Variants in ANO3 observed in about 807,000 individuals in gnomAD.
ANO3 encodes anoctamin 3.
ANO3 carries 99 observed loss-of-function variants against 144.8 expected under a neutral mutation model. The ratio of observed to expected loss-of-function variants is 0.68; its 90% confidence interval spans 0.58 to 0.81. The LOEUF is 0.81. Among genes scored for constraint, ANO3 ranks in the 30% least tolerant of loss-of-function variants. The pLI is 0.00. For missense variants in ANO3, 905 were observed against 1,202.2 expected (o/e 0.75, Z 3.66); for synonymous variants, 414 against 392.6 (o/e 1.05, Z -0.64).
rs183863355 is a variant in ANO3 at position 26,436,048 on chromosome 11, A to C, written c.47-5870A>C. On this transcript the variant is annotated intron_variant, in intron 1 of 26. Coordinates refer to ENST00000256737, the MANE Select transcript of ANO3 (RefSeq NM_031418.4). ...TCCTTTAACTGCTAGGCTGCCTCTG[A>C]TTGCAATGGTCATGTGGGGGCAGGG... 3.3e-5 allele frequency among the ~76,000 whole-genome samples: 5 copies of C among 152,180 alleles called. No homozygotes were observed. In the East Asian group the frequency reaches 9.7e-4, roughly 29 times the overall value.
intron 1 of ANO3, chr11:26,286,011 G>A (rs983875541): frequency 6.6e-6 from 1 of 152,178 alleles, no homozygotes; most frequent in Admixed American, 6.5e-5. Context: ...CAGATTTCAT[G>A]TGTTGCCTCC....
intron 17 of ANO3, among the ~76,000 whole-genome samples, chr11:26,604,894 G>C (rs190488200): frequency 6.6e-6 from 1 of 152,042 alleles, no homozygotes; most frequent in South Asian, 2.1e-4. Context: ...CTTTCTATTC[G>C]AATACCCTTT....
upstream of ANO3, among the ~76,000 whole-genome samples, chr11:26,329,333 G>C (rs112832770): frequency 0.4 from 42,787 of 107,488 alleles, 7,044 homozygotes; most frequent in South Asian, 0.54. Context: ...CACACAGAGA[G>C]AGAGAGAGAG....
chr11:26,221,570 T>C (rs962850391), intron 1 of ANO3, among the ~76,000 whole-genome samples: 2 of 152,196 alleles, frequency 1.3e-5, no homozygotes, highest in African/African-American at 4.8e-5. Flanking sequence ...TTTTCATTGC[T>C]ATAAAGAAAT....
At chr11:26,573,595 T>C (rs1850909239) in intron 14 of ANO3, among the ~76,000 whole-genome samples, 1 of 152,208 alleles carries the variant, frequency 6.6e-6, no homozygotes, top group South Asian at 2.1e-4. Flanking sequence ...CCTTCTGCCT[T>C]AACCATAGTA....
At chr11:26,474,164 A>C (rs1028541401) in intron 4 of ANO3, 3 of 927,090 alleles carry the variant, frequency 3.2e-6, no homozygotes, top group Non-Finnish European at 3.9e-6. Context: ...GGAATTCTAT[A>C]CTATTTTTCT....
In ANO3 at chr11:26,408,280, A is replaced by G. The variant is rs1251602818; in HGVS notation, c.47-33638A>G. ...AATGAACTCAAACAAATTTACAAGA[A>G]AAAAACAAACAACCCCATCAAAAAG... On this transcript the variant is annotated intron_variant, in intron 1 of 26. Coordinates refer to ENST00000256737, the MANE Select transcript of ANO3 (RefSeq NM_031418.4). 2.6e-4 allele frequency among the ~76,000 whole-genome samples: 40 copies of G among 151,806 alleles called. 5 individuals carry two copies. Among genetic ancestry groups the G allele is most frequent in the Admixed American group, 2.2e-3 (33 of 15,208 alleles).
At chr11:26,598,769 C>A in intron 15 of ANO3, 89 bp from the exon 16 acceptor site, 1 of 1,363,936 alleles carries the variant, frequency 7.3e-7, no homozygotes. Flanking sequence ...CAAAAGTAGG[C>A]CAAATTTAGG....
At chr11:26,468,375 G>C (rs912424105) in intron 4 of ANO3, among the ~76,000 whole-genome samples, 5 of 151,906 alleles carry the variant, frequency 3.3e-5, no homozygotes, top group African/African-American at 1.2e-4. Context: ...ACCTTTGAAA[G>C]GATATTGGGT....
intron 16 of ANO3, 59 bp from the exon 17 acceptor site, chr11:26,599,491 G>A (rs2132929058): frequency 6.5e-7 from 1 of 1,535,868 alleles, no homozygotes; most frequent in Non-Finnish European, 8.9e-7. Flanking sequence ...CTACGGTTTT[G>A]CTTTTGACTT....
intron 20 of ANO3, among the ~76,000 whole-genome samples, chr11:26,637,942 T>C (rs1393101328): frequency 6.6e-6 from 1 of 152,108 alleles, no homozygotes; most frequent in African/African-American, 2.4e-5. Flanking sequence ...TACTGCAAAG[T>C]TTTCAAGTAA....
intron 4 of ANO3, among the ~76,000 whole-genome samples, chr11:26,468,677 G>A (rs1859681615): frequency 6.6e-6 from 1 of 151,908 alleles, no homozygotes; most frequent in African/African-American, 2.4e-5. Context: ...GCCTCAAATT[G>A]TGTATAGGAC....
chr11:26,290,615 G>A (rs918872034), intron 1 of ANO3, among the ~76,000 whole-genome samples: 3 of 152,076 alleles, frequency 2.0e-5, no homozygotes, highest in African/African-American at 7.2e-5. Context: ...TTGTGTCTTT[G>A]TTTTCATTGG....
At chr11:26,349,615 C>T (rs1473224308) in intron 1 of ANO3, among the ~76,000 whole-genome samples, 1 of 152,086 alleles carries the variant, frequency 6.6e-6, no homozygotes, top group Non-Finnish European at 1.5e-5. Context: ...GTGGCGCGAT[C>T]TCAGCTCACT....
chr11:26,559,690 A>G, intron 13 of ANO3, 29 bp from the exon 14 acceptor site: 1 of 1,534,872 alleles, frequency 6.5e-7, no homozygotes, highest in Non-Finnish European at 9.0e-7. Context: ...AATTTGCATG[A>G]CTAATATTTC....
At chr11:26,548,514 C>T (rs530277248) in intron 12 of ANO3, among the ~76,000 whole-genome samples, 5 of 151,954 alleles carry the variant, frequency 3.3e-5, no homozygotes, top group African/African-American at 9.6e-5. Context: ...ACAGTTAATG[C>T]TAAGGTTATA....
chr11:26,570,000 T>A (rs1850756194), intron 14 of ANO3, among the ~76,000 whole-genome samples: 1 of 151,998 alleles, frequency 6.6e-6, no homozygotes, highest in Non-Finnish European at 1.5e-5. Flanking sequence ...AAATAGAGGT[T>A]TAGGATCATC....
intron 15 of ANO3, 149 bp from the exon 16 acceptor site, chr11:26,598,709 G>T: frequency 1.3e-6 from 1 of 745,616 alleles, no homozygotes. Context: ...TTATTTGGAA[G>T]GTAATTTGAT....
At chr11:26,383,577 T>TA (rs1856643981) in intron 1 of ANO3, among the ~76,000 whole-genome samples, 1 of 140,204 alleles carries the variant, frequency 7.1e-6, no homozygotes, top group Admixed American at 7.6e-5. Flanking sequence ...ATTACATACT[T>TA]ACATGTAAAA....
Sources: allele counts gnomAD v4.1 joint callset (sites outside exome capture counted in the v4.1 genomes callset), GRCh38; gene constraint gnomAD v4.1.1; transcripts MANE v1.5; gene names NCBI Gene and HGNC (gene_info 2026-07-23, HGNC 2026-07-21).